BRWD1: variants seen among roughly 807,000 people sequenced by gnomAD.
BRWD1 encodes bromodomain and WD repeat domain containing 1, also known as bromodomain and WD repeat-containing protein 1.
Under a neutral mutation model 251.2 loss-of-function variants are expected in BRWD1, and 82 were observed. The ratio of observed to expected loss-of-function variants is 0.33; its 90% CI spans 0.27 to 0.39. BRWD1 has a LOEUF of 0.39. BRWD1 is among the 10% of genes least tolerant of loss of function. BRWD1 has a pLI of 1.00. For missense variants in BRWD1, 2,233 were observed against 2,711.6 expected (o/e 0.82, Z 3.92); for synonymous variants, 918 against 902.8 (o/e 1.02, Z -0.30).
intron 12 of BRWD1, among the ~76,000 whole-genome samples, chr21:39,275,141 A>G (rs1188833451): frequency 6.6e-6 from 1 of 152,234 alleles, no homozygotes; most frequent in African/African-American, 2.4e-5. Flanking sequence ...CATTTTAAAC[A>G]TCTTACTTGT....
At chr21:39,265,075 T>C (rs2034876983) in intron 15 of BRWD1, 56 bp from the exon 16 acceptor site, 2 of 1,562,734 alleles carry the variant, frequency 1.3e-6, no homozygotes, top group East Asian at 2.3e-5. Context: ...TGATTTGCTA[T>C]GTAAACTTTT....
chr21:39,285,303 T>C (rs1196920723), intron 8 of BRWD1, among the ~76,000 whole-genome samples: 2 of 152,160 alleles, frequency 1.3e-5, no homozygotes, highest in African/African-American at 4.8e-5. Context: ...AGAACAGTGG[T>C]TACCTATGGC....
At chr21:39,281,049 A>G (rs1307474856) in intron 8 of BRWD1, among the ~76,000 whole-genome samples, 1 of 152,228 alleles carries the variant, frequency 6.6e-6, no homozygotes, top group Non-Finnish European at 1.5e-5. Context: ...GAATAATATC[A>G]GCACAAGTTC....
chr21:39,217,081 A>ATT (rs2032974483), intron 31 of BRWD1: 1 of 11,514 alleles, frequency 8.7e-5, no homozygotes, highest in Non-Finnish European at 1.5e-4. Flanking sequence ...ATATATATAT[A>ATT]TATTTTTTTT....
chr21:39,292,378 C>G (rs535932360), intron 8 of BRWD1, among the ~76,000 whole-genome samples: 4 of 152,128 alleles, frequency 2.6e-5, no homozygotes, highest in Non-Finnish European at 4.4e-5. Flanking sequence ...TTTTCTGTCC[C>G]TAATAACTAA....
At chr21:39,318,740 C>A (rs956492635), upstream of BRWD1, among the ~76,000 whole-genome samples, 1 of 152,004 alleles carries the variant, frequency 6.6e-6, no homozygotes, top group Non-Finnish European at 1.5e-5. Context: ...GCAGTCCTAC[C>A]GCTGAGTACT....
At chr21:39,225,021 T>C (rs1412917686) in intron 28 of BRWD1, 65 bp downstream of exon 28, 2 of 1,201,214 alleles carry the variant, frequency 1.7e-6, no homozygotes, top group African/African-American at 3.0e-5. Flanking sequence ...AGAAATGTAT[T>C]ATTTATACAG....
chr21:39,186,105 C>T lies in BRWD1; in HGVS notation c.*10154G>A, dbSNP rs2031214305. 6.6e-6 allele frequency: 1 copy of T among 152,084 alleles called. No individual in the cohort carries two copies. The highest frequency in any genetic ancestry group is 1.5e-5 in the Non-Finnish European group (1 of 67,994). The allele number at this position is 152,084 out of a possible 1,614,324, so 9.4% of individuals were successfully genotyped here. A position where few individuals can be genotyped will look rare whatever the true frequency, so the allele number is the denominator to read the frequency against. The stretch of plus-strand genomic sequence containing the variant: ...TATTCAAGTTCTAATTTTTAAGGTG[C>T]TGTAGAGAAACATAAAAGATTTCAC... On this transcript the variant is annotated 3_prime_UTR_variant, in exon 41 of 41. Transcript: ENST00000342449.
upstream of BRWD1, chr21:39,314,031 C>T (rs766383432): frequency 5.7e-5 from 26 of 455,376 alleles, no homozygotes; most frequent in Non-Finnish European, 1.3e-5. Flanking sequence ...CCGCAGGGGC[C>T]CCGAGTCGCG....
intron 8 of BRWD1, among the ~76,000 whole-genome samples, chr21:39,292,143 G>A (rs866851045): frequency 0.016 from 1,500 of 94,674 alleles, 78 homozygotes; most frequent in African/African-American, 0.058. Flanking sequence ...GGGGGGGGGG[G>A]TCTCACTAAG....
chr21:39,293,545 ATAAT>A (rs529518870), intron 8 of BRWD1, among the ~76,000 whole-genome samples: 430 of 152,236 alleles, frequency 2.8e-3, no homozygotes, highest in African/African-American at 0.01. Flanking sequence ...AAGTTGAAAA[ATAAT>A]TAATCTATCA....
rs1347927072 is a variant in BRWD1, at chr21:39,210,010, T to A, written c.4182A>T (p.Pro1394=). The A allele has an allele frequency of 1.9e-6, 3 of 1,612,182 alleles. No individual in the cohort carries two copies. Among genetic ancestry groups the A allele is most frequent in the Non-Finnish European group, 8.5e-7 (1 of 1,179,190 alleles). The change falls in exon 36 of 41, where the codon CCA becomes CCT. Residue 1394 remains proline (P), a synonymous_variant. Coordinates refer to ENST00000342449, the MANE Select transcript of BRWD1 (RefSeq NM_033656.4). ...LIFSNAKAYT[P]NKRSKIYSMT... ...AAAAAATTACCTTTGATCTTTTGTTTGGTGTATACGCTTTTGCATTGCTAA... is the reference window on the plus strand; with the variant it reads ...AAAAAATTACCTTTGATCTTTTGTTAGGTGTATACGCTTTTGCATTGCTAA...
At chr21:39,279,385 T>G (rs2035377705) in intron 9 of BRWD1, among the ~76,000 whole-genome samples, 1 of 152,140 alleles carries the variant, frequency 6.6e-6, no homozygotes, top group Admixed American at 6.5e-5. Context: ...ACGCCTGTGA[T>G]CCCAGTACTT....
rs1465512458 is a variant in BRWD1, at chr21:39,190,933, A to G, written c.*5326T>C. The G allele has an allele frequency of 6.1e-6, 6 of 985,242 alleles. No individual in the cohort carries two copies. The highest frequency in any genetic ancestry group is 6.0e-6 in the Non-Finnish European group (5 of 829,884). The allele number at this position is 985,242 out of a possible 1,614,324, so 61.0% of individuals were successfully genotyped here. ...TTTTTGTTCTTATTCTGGAACTACA[A>G]CTAATCTAGCTCATCACAATACAGT... On this transcript the variant is annotated 3_prime_UTR_variant, in exon 41 of 41. Coordinates refer to ENST00000342449, the MANE Select transcript of BRWD1 (RefSeq NM_033656.4).
chr21:39,292,143 G>GGGC (rs2035835237), intron 8 of BRWD1, among the ~76,000 whole-genome samples: 1 of 94,602 alleles, frequency 1.1e-5, no homozygotes, highest in Non-Finnish European at 2.1e-5. Context: ...GGGGGGGGGG[G>GGGC]TCTCACTAAG....
rs770388147 is a variant in BRWD1 at position 39,295,815 on chromosome 21, G to A, written c.537C>T (p.His179=). The change falls in exon 7 of 41, where the codon CAC becomes CAT. Residue 179 remains histidine (H), a synonymous_variant. Coordinates refer to ENST00000342449, the MANE Select transcript of BRWD1 (RefSeq NM_033656.4). ...CAGATAGATGTCCGAGAATCCTTCTGTGCATTTTTATATGCTGATACATAG... is the reference window on the plus strand; with the variant it reads ...CAGATAGATGTCCGAGAATCCTTCTATGCATTTTTATATGCTGATACATAG... The part of the protein sequence containing the change: ...PGTMYQHIKM[H]RRILGHLSAV... 1 of 1,612,164 alleles carries A rather than the reference G, an allele frequency of 6.2e-7. No homozygotes were observed. The highest frequency in any genetic ancestry group is 1.1e-5 in the South Asian group (1 of 90,808).
rs1010988541 is a variant in BRWD1, at chr21:39,188,960, C to T, written c.*7299G>A. 9.7e-5 allele frequency: 96 copies of T among 985,380 alleles called. No homozygotes were observed. The Middle Eastern group carries it at 2.1e-3, about 21-fold the overall frequency. The allele number at this position is 985,380 out of a possible 1,614,324, so 61.0% of individuals were successfully genotyped here. A position where few individuals can be genotyped will look rare whatever the true frequency, so the allele number is the denominator to read the frequency against. ...TCATGCAGCATGCCCTTACCTCCTT[C>T]AGCTGGACTCTGTGGGAAGAGAAGT... On this transcript the variant is annotated 3_prime_UTR_variant, in exon 41 of 41. Coordinates refer to ENST00000342449, the MANE Select transcript of BRWD1 (RefSeq NM_033656.4).
At chr21:39,203,438 C>CTTTTTTTTTGTTTTTTT (rs2032215726) in intron 37 of BRWD1, among the ~76,000 whole-genome samples, 1 of 67,716 alleles carries the variant, frequency 1.5e-5, no homozygotes. Context: ...GACCCTGGTT[C>CTTTTTTTTTGTTTTTTT]TTTTTTTTTT....
chr21:39,189,984 T>TG lies in BRWD1; in HGVS notation c.*6274dup. 1 of 985,404 alleles carries TG rather than the reference T, an allele frequency of 1.0e-6. No individual in the cohort carries two copies. The highest frequency in any genetic ancestry group is 1.2e-6 in the Non-Finnish European group (1 of 829,902). The allele number at this position is 985,404 out of a possible 1,614,324, so 61.0% of individuals were successfully genotyped here. ...CAAAGTCATTGAGTGCTTGAGGACT[T>TG]GTTTTCCTGGAAGTGATTCCCTACT... On this transcript the variant is annotated 3_prime_UTR_variant, in exon 41 of 41. Coordinates refer to ENST00000342449, the MANE Select transcript of BRWD1 (RefSeq NM_033656.4).
Sources: gnomAD v4.1 joint callset for allele counts (sites outside exome capture counted in the v4.1 genomes callset) on GRCh38, gnomAD v4.1.1 for gene constraint, MANE v1.5 for transcripts, NCBI Gene and HGNC (gene_info 2026-07-23, HGNC 2026-07-21) for gene names.